The following FBXL17 variants were observed in gnomAD, a reference collection of about 807,000 sequenced individuals.
FBXL17 encodes F-box/LRR-repeat protein 17.
Under a neutral mutation model 66.2 loss-of-function variants are expected in FBXL17, and 22 were observed. That is an observed-to-expected ratio of 0.33 (90% CI 0.24 to 0.47). The LOEUF is 0.47. FBXL17 is among the 20% of genes least tolerant of loss of function. The pLI is 1.00. For synonymous variants in FBXL17, 474 were observed against 400.5 expected (o/e 1.18, Z -2.19); for missense variants, 878 against 948.2 (o/e 0.93, Z 0.97).
At chr5:108,170,797 G>A (rs958807583) in intron 6 of FBXL17, among the ~76,000 whole-genome samples, 1 of 152,180 alleles carries the variant, frequency 6.6e-6, no homozygotes, top group African/African-American at 2.4e-5. Flanking sequence ...GCCTCCCAAA[G>A]TGTTGGGATT....
intron 7 of FBXL17, among the ~76,000 whole-genome samples, chr5:107,962,984 G>C (rs533338105): frequency 1.1e-4 from 16 of 151,828 alleles, no homozygotes; most frequent in Non-Finnish European, 2.1e-4. Context: ...TCCTCCATTA[G>C]GAAACATTTT....
intron 3 of FBXL17, among the ~76,000 whole-genome samples, chr5:108,351,777 A>G (rs1286771310): frequency 6.6e-6 from 1 of 152,220 alleles, no homozygotes. Context: ...AACAGTTAGT[A>G]CACAAGCTAG....
chr5:108,379,094 C>T (rs897307751), intron 1 of FBXL17, among the ~76,000 whole-genome samples: 15 of 152,262 alleles, frequency 9.9e-5, no homozygotes, highest in Admixed American at 6.5e-4. Flanking sequence ...AAGAGAACAA[C>T]GCGGTATAGG....
At chr5:108,145,591 G>A (rs1751522200) in intron 6 of FBXL17, among the ~76,000 whole-genome samples, 1 of 152,064 alleles carries the variant, frequency 6.6e-6, no homozygotes, top group Admixed American at 6.6e-5. Flanking sequence ...TTTACTATGG[G>A]GAAGTCAGGG....
intron 6 of FBXL17, among the ~76,000 whole-genome samples, chr5:108,068,486 C>T (rs534073828): frequency 3.3e-5 from 5 of 151,320 alleles, no homozygotes; most frequent in Non-Finnish European, 4.4e-5. Context: ...AATGGAGTCT[C>T]GCTCTGTTGC....
chr5:108,221,098 G>A (rs543801693), intron 5 of FBXL17, among the ~76,000 whole-genome samples: 347 of 152,262 alleles, frequency 2.3e-3, no homozygotes, highest in Non-Finnish European at 4.4e-3. Context: ...GCTTAGAAAG[G>A]CTTCTTATCC....
chr5:108,201,853 T>TAAAAA (rs55995911), intron 5 of FBXL17, among the ~76,000 whole-genome samples: 2 of 129,444 alleles, frequency 1.5e-5, no homozygotes, highest in Non-Finnish European at 3.3e-5. Flanking sequence ...AATTTGAAAG[T>TAAAAA]AAAAAAAAAA....
At chr5:107,893,242 CT>C (rs1191676469) in intron 7 of FBXL17, among the ~76,000 whole-genome samples, 2 of 152,166 alleles carry the variant, frequency 1.3e-5, no homozygotes, top group East Asian at 3.9e-4. Flanking sequence ...AGGATGGATG[CT>C]ACAGAAGGGA....
intron 7 of FBXL17, among the ~76,000 whole-genome samples, chr5:107,957,734 C>T (rs1338417186): frequency 6.6e-6 from 1 of 152,140 alleles, no homozygotes; most frequent in Non-Finnish European, 1.5e-5. Context: ...AAAAAGTAAG[C>T]ACTTTCAACT....
chr5:108,041,909 GGGGTTTTTCTGAGAT>G (rs1427117132), intron 6 of FBXL17, among the ~76,000 whole-genome samples: 26 of 151,918 alleles, frequency 1.7e-4, no homozygotes, highest in Non-Finnish European at 3.2e-4. Flanking sequence ...CTATAATTCA[GGGGTTTTTCTGAGAT>G]GGAGTTTCGC....
chr5:108,093,200 T>C (rs979266669), intron 6 of FBXL17, among the ~76,000 whole-genome samples: 1 of 152,080 alleles, frequency 6.6e-6, no homozygotes, highest in African/African-American at 2.4e-5. Flanking sequence ...TAGTTTACTA[T>C]TAAAAAATGC....
chr5:108,171,900 T>A (rs763144422), intron 6 of FBXL17, among the ~76,000 whole-genome samples: 18 of 152,108 alleles, frequency 1.2e-4, no homozygotes, highest in Non-Finnish European at 2.2e-4. Flanking sequence ...TCTCACAAGA[T>A]CTGATGGTTT....
intron 4 of FBXL17, among the ~76,000 whole-genome samples, chr5:108,293,151 T>C (rs931564440): frequency 2.0e-5 from 3 of 151,966 alleles, no homozygotes; most frequent in Non-Finnish European, 4.4e-5. Flanking sequence ...ATTCCTATAT[T>C]AGTTTCTTAT....
chr5:108,213,361 G>T (rs970249472), intron 5 of FBXL17, among the ~76,000 whole-genome samples: 1 of 152,208 alleles, frequency 6.6e-6, no homozygotes, highest in East Asian at 1.9e-4. Flanking sequence ...AACTCCTGCA[G>T]TTAGTTCGGT....
intron 4 of FBXL17, among the ~76,000 whole-genome samples, chr5:108,327,886 T>C (rs537259812): frequency 3.3e-5 from 5 of 152,166 alleles, no homozygotes; most frequent in African/African-American, 7.2e-5. Flanking sequence ...TTTCCCAAGA[T>C]GCTTTGTTGG....
chr5:108,163,399 C>CTTTTTTTTTTTTTT (rs764052812), intron 6 of FBXL17, among the ~76,000 whole-genome samples: 7 of 129,552 alleles, frequency 5.4e-5, no homozygotes, highest in African/African-American at 1.7e-4. Context: ...TTTTTTTTTT[C>CTTTTTTTTTTTTTT]TTTTTTTTTT....
At chr5:107,872,489 A>C (rs1365250709) in intron 8 of FBXL17, among the ~76,000 whole-genome samples, 1 of 152,262 alleles carries the variant, frequency 6.6e-6, no homozygotes, top group Non-Finnish European at 1.5e-5. Context: ...TAGATTTCAA[A>C]TACATAAAGC....
intron 5 of FBXL17, among the ~76,000 whole-genome samples, chr5:108,194,870 T>C (rs563494687): frequency 6.6e-6 from 1 of 152,284 alleles, no homozygotes; most frequent in South Asian, 2.1e-4. Flanking sequence ...CCTTCAGTAT[T>C]TCTGAAAAAG....
At chr5:108,289,512 C>T (rs1758026570) in intron 4 of FBXL17, among the ~76,000 whole-genome samples, 1 of 152,006 alleles carries the variant, frequency 6.6e-6, no homozygotes, top group Non-Finnish European at 1.5e-5. Flanking sequence ...ATTCATTCTA[C>T]AGATTATTGG....
Sources: allele counts gnomAD v4.1 joint callset (sites outside exome capture counted in the v4.1 genomes callset), GRCh38; gene constraint gnomAD v4.1.1; transcripts MANE v1.5; gene names NCBI Gene and HGNC (gene_info 2026-07-23, HGNC 2026-07-21).